Variants in PDE3B observed in about 807,000 individuals in gnomAD.
PDE3B encodes phosphodiesterase 3B.
In PDE3B, 66 loss-of-function variants were observed where a neutral mutation model predicts 116.8. The observed-to-expected ratio is 0.56, with a 90% CI of 0.46 to 0.69. The LOEUF is 0.69. PDE3B is among the 30% of genes least tolerant of loss of function. PDE3B has a pLI of 0.00. For missense variants in PDE3B, 1,384 were observed against 1,368.1 expected, an observed-to-expected ratio of 1.01 and a Z score of -0.18; for synonymous variants, 595 against 533.6, an observed-to-expected ratio of 1.12 and a Z score of -1.59.
At chr11:14,723,767 A>C (rs553675848) in intron 1 of PDE3B, among the ~76,000 whole-genome samples, 54 of 152,236 alleles carry the variant, frequency 3.5e-4, no homozygotes, top group Non-Finnish European at 6.0e-4. Context: ...ATCTCAAAAA[A>C]AAAAACAAAA....
intron 2 of PDE3B, among the ~76,000 whole-genome samples, chr11:14,785,993 C>T (rs972724393): frequency 1.3e-5 from 2 of 151,946 alleles, no homozygotes; most frequent in African/African-American, 4.8e-5. Flanking sequence ...ATTGAAGAAA[C>T]TAAAATATTC....
At chr11:14,743,702 G>A (rs2133868089) in intron 1 of PDE3B, among the ~76,000 whole-genome samples, 1 of 152,222 alleles carries the variant, frequency 6.6e-6, no homozygotes, top group East Asian at 1.9e-4. Context: ...AGGTACCAGA[G>A]GGATTTTCCT....
chr11:14,780,107 A>G (rs890916786), intron 2 of PDE3B, among the ~76,000 whole-genome samples: 3 of 152,234 alleles, frequency 2.0e-5, no homozygotes, highest in Admixed American at 6.5e-5. Flanking sequence ...TTCAACAAGA[A>G]GAGCTAACTA....
rs562722769 is a variant in PDE3B at position 14,712,865 on chromosome 11, C to A, written c.979-59072C>A. 4.0e-4 allele frequency among the ~76,000 whole-genome samples: 61 copies of A among 152,288 alleles called. 2 individuals carry two copies. Among genetic ancestry groups the A allele is most frequent in the Non-Finnish European group, 4.0e-4 (27 of 68,018 alleles). ...TTGTATAGGAGAATTAAATACAAAT[C>A]CTCCTACTGATGTCAGATTTAGATA... On this transcript the variant is annotated intron_variant, in intron 1 of 15. Coordinates refer to ENST00000282096, the MANE Select transcript of PDE3B (RefSeq NM_000922.4).
chr11:14,801,785 G>C (rs938751194), intron 4 of PDE3B, among the ~76,000 whole-genome samples: 1 of 152,244 alleles, frequency 6.6e-6, no homozygotes, highest in South Asian at 2.1e-4. Flanking sequence ...GGTTTTATCT[G>C]TAAGTCCCTG....
At position 14,786,652 on chromosome 11, in the gene PDE3B, C is replaced by T; in HGVS notation, c.1245C>T (p.Asp415=). The T allele has an allele frequency of 1.2e-6, 2 of 1,611,480 alleles. No homozygotes were observed. The highest frequency in any genetic ancestry group is 1.7e-6 in the Non-Finnish European group (2 of 1,177,890). The stretch of plus-strand genomic sequence containing the variant: ...TTTACCCCTGTTCTGAAATAGAGGA[C>T]CCAGCTGAGAAAGGGGATAGAAAAC... ...PGFYPCSEIE[D]PAEKGDRKLN... is the part of the protein sequence containing the mutation. Residue 415 remains aspartate (D), a synonymous_variant, in exon 3 of 16, where the codon GAC becomes GAT. Coordinates refer to ENST00000282096, the MANE Select transcript of PDE3B (RefSeq NM_000922.4).
chr11:14,891,370 C>T, the PDE3B span: 2 of 985,638 alleles, frequency 2.0e-6, no homozygotes, highest in Non-Finnish European at 2.4e-6. Context: ...TTACCATCTG[C>T]GCTGTAGGAC....
At chr11:14,815,623 A>C (rs2350240) in intron 5 of PDE3B, among the ~76,000 whole-genome samples, 1 of 152,184 alleles carries the variant, frequency 6.6e-6, no homozygotes, top group Admixed American at 6.5e-5. Context: ...GATGGAATTC[A>C]TAATGAAACA....
chr11:14,839,754 T>C (rs1028189392), intron 11 of PDE3B, among the ~76,000 whole-genome samples: 3 of 152,194 alleles, frequency 2.0e-5, no homozygotes, highest in Admixed American at 1.3e-4. Flanking sequence ...TTCCCGTAAG[T>C]TATCAAGGTC....
intron 1 of PDE3B, among the ~76,000 whole-genome samples, chr11:14,743,138 C>T (rs12788030): frequency 0.36 from 53,965 of 151,976 alleles, 10,954 homozygotes; most frequent in South Asian, 0.46. Flanking sequence ...CAGACAGGAA[C>T]GTTTGTTTGC....
intron 1 of PDE3B, among the ~76,000 whole-genome samples, chr11:14,761,091 A>G (rs904004231): frequency 6.6e-6 from 1 of 152,172 alleles, no homozygotes; most frequent in African/African-American, 2.4e-5. Flanking sequence ...TAATCACAGT[A>G]AAACACTAGA....
At chr11:14,886,218 G>C in the PDE3B span, 1 of 354,410 alleles carries the variant, frequency 2.8e-6, no homozygotes, top group South Asian at 3.4e-5. Context: ...ACAGATAAAA[G>C]ACTCTGAGCA....
chr11:14,880,267 T>C, the PDE3B span: 1 of 1,613,050 alleles, frequency 6.2e-7, no homozygotes, highest in South Asian at 1.1e-5. Flanking sequence ...AGATGATGGG[T>C]CATTTTTACC....
the PDE3B span, chr11:14,880,391 TTC>T: frequency 6.2e-7 from 1 of 1,613,396 alleles, no homozygotes; most frequent in Non-Finnish European, 8.5e-7. Flanking sequence ...ACAGCTGCAT[TTC>T]TAAACAGCTG....
At chr11:14,816,563 G>C (rs1015963537) in intron 5 of PDE3B, among the ~76,000 whole-genome samples, 1 of 152,266 alleles carries the variant, frequency 6.6e-6, no homozygotes, top group African/African-American at 2.4e-5. Context: ...GAAGCACTCT[G>C]TTTTGTTCCC....
At chr11:14,830,598 T>C in intron 7 of PDE3B, 100 bp from the exon 8 acceptor site, 1 of 493,794 alleles carries the variant, frequency 2.0e-6, no homozygotes, top group Non-Finnish European at 3.4e-6. Context: ...TCCATTATGA[T>C]TCATTTTATC....
At chr11:14,885,918 C>CT in the PDE3B span, 1 of 1,613,040 alleles carries the variant, frequency 6.2e-7, no homozygotes, top group South Asian at 1.1e-5. Context: ...AACTGAAGAT[C>CT]TTTGAGAAGA....
chr11:14,806,889 A>AG (rs1858950251), intron 5 of PDE3B, among the ~76,000 whole-genome samples: 1 of 151,764 alleles, frequency 6.6e-6, no homozygotes, highest in South Asian at 2.1e-4. Flanking sequence ...AAGAAAAAAA[A>AG]GAAAATGTGG....
At chr11:14,844,120 T>G (rs2167453) in intron 12 of PDE3B, 94 bp downstream of exon 12, 103,832 of 864,026 alleles carry the variant, frequency 0.12, 7,838 homozygotes, top group African/African-American at 0.31. Flanking sequence ...GAATCATATG[T>G]CCAATCCATC....
Sources: gnomAD v4.1 joint callset for allele counts (sites outside exome capture counted in the v4.1 genomes callset) on GRCh38, gnomAD v4.1.1 for gene constraint, MANE v1.5 for transcripts, NCBI Gene and HGNC (gene_info 2026-07-23, HGNC 2026-07-21) for gene names.